The following NIPAL2 variants were observed in gnomAD, a reference collection of about 807,000 sequenced individuals.
The protein encoded by NIPAL2 is NIPA-like protein 2.
In NIPAL2, 43 loss-of-function variants were observed where a neutral mutation model predicts 48.9. The ratio of observed to expected loss-of-function variants is 0.88; its 90% CI spans 0.69 to 1.13. The LOEUF is 1.13. Ranked by LOEUF, NIPAL2 falls within the 50% of genes most tolerant of loss-of-function variation. The probability of loss-of-function intolerance (pLI) is 0.00; values close to 1 mark genes in which losing one functional copy is unlikely to be tolerated. For missense variants in NIPAL2, 446 were observed against 461.4 expected (o/e 0.97, Z 0.31); for synonymous variants, 167 against 174.6 (o/e 0.96, Z 0.34).
chr8:98,199,712 A>G (rs2130693604), intron 8 of NIPAL2, among the ~76,000 whole-genome samples: 1 of 152,326 alleles, frequency 6.6e-6, no homozygotes, highest in Middle Eastern at 3.4e-3. Flanking sequence ...AACGTGACAC[A>G]GAGATATGAA....
intron 1 of NIPAL2, among the ~76,000 whole-genome samples, chr8:98,266,992 A>T (rs962142461): frequency 3.2e-4 from 48 of 151,978 alleles, no homozygotes; most frequent in Admixed American, 1.3e-4. Context: ...AAAACTGCCA[A>T]CCTGTTGTTT....
chr8:98,222,134 C>T (rs746314264), intron 5 of NIPAL2, among the ~76,000 whole-genome samples: 5 of 152,038 alleles, frequency 3.3e-5, no homozygotes, highest in Non-Finnish European at 7.4e-5. Context: ...TGAAGAGAAC[C>T]CCTATTTTGA....
chr8:98,218,718 T>G (rs557470800), intron 5 of NIPAL2, among the ~76,000 whole-genome samples: 1 of 152,006 alleles, frequency 6.6e-6, no homozygotes, highest in African/African-American at 2.4e-5. Context: ...GACAGGCAGG[T>G]AAATAGATAA....
chr8:98,239,842 G>GTA (rs1213399788), intron 3 of NIPAL2, among the ~76,000 whole-genome samples: 2 of 152,160 alleles, frequency 1.3e-5, no homozygotes, highest in Non-Finnish European at 1.5e-5. Context: ...CAAAAAGGCA[G>GTA]TATTGAGCAA....
chr8:98,216,526 G>C (rs558907147), intron 5 of NIPAL2, among the ~76,000 whole-genome samples: 1 of 152,312 alleles, frequency 6.6e-6, no homozygotes, highest in South Asian at 2.1e-4. Context: ...AAAACATACA[G>C]TTTTCTCCCT....
rs763691672 is a variant in NIPAL2 at position 98,196,017 on chromosome 8, G to A, written c.881-12C>T. 1 of 1,504,410 alleles carries A rather than the reference G, an allele frequency of 6.6e-7. No homozygotes were observed. Among genetic ancestry groups the A allele is most frequent in the Non-Finnish European group, 9.1e-7 (1 of 1,101,688 alleles). 93.2% of individuals were successfully genotyped at this position (1,504,410 alleles called of 1,614,324 possible). A position where few individuals can be genotyped will look rare whatever the true frequency, so the allele number is the denominator to read the frequency against. The stretch of plus-strand genomic sequence containing the variant: ...ATAAAATATGATACCTGTAACACAG[G>A]AAAAGAAGACAAAATTGATTTTGAA... On this transcript the variant is annotated splice_polypyrimidine_tract_variant and intron_variant, in intron 8 of 10. Transcript: ENST00000430223.
intron 8 of NIPAL2, 145 bp downstream of exon 8, chr8:98,202,963 G>A: frequency 4.6e-6 from 3 of 655,080 alleles, no homozygotes; most frequent in Admixed American, 2.7e-5. Context: ...AACCTCTCCT[G>A]GAAGATTGTC....
intron 3 of NIPAL2, among the ~76,000 whole-genome samples, chr8:98,250,219 A>G (rs969626360): frequency 5.9e-4 from 90 of 152,356 alleles, no homozygotes; most frequent in African/African-American, 2.1e-3. Flanking sequence ...TTTTATTAAA[A>G]TTCAACGGGA....
chr8:98,256,889 G>A (rs548808449), intron 1 of NIPAL2, among the ~76,000 whole-genome samples: 104 of 152,252 alleles, frequency 6.8e-4, no homozygotes, highest in African/African-American at 2.4e-3. Flanking sequence ...TAGCCAAAAG[G>A]TGGAAAAAAC....
In NIPAL2 at chr8:98,293,883, G is replaced by A. The variant is rs1034354233; in HGVS notation, c.135+120C>T. On this transcript the variant is annotated intron_variant, in intron 1 of 10. Transcript: ENST00000430223. The stretch of plus-strand genomic sequence containing the variant: ...CATTGCATGTCACCTCTTCCCACTC[G>A]GAGAGGCCGGGTGTCTTCCTGAGAG... The A allele has an allele frequency of 5.2e-6, 5 of 961,848 alleles. No individual in the cohort carries two copies. The African/African-American group carries it at 5.2e-5, about 10-fold the overall frequency. The allele number at this position is 961,848 out of a possible 1,614,324, so 59.6% of individuals were successfully genotyped here. A position where few individuals can be genotyped will look rare whatever the true frequency, so the allele number is the denominator to read the frequency against.
chr8:98,202,018 T>C (rs751477084), intron 8 of NIPAL2, among the ~76,000 whole-genome samples: 4 of 152,222 alleles, frequency 2.6e-5, no homozygotes, highest in Non-Finnish European at 5.9e-5. Flanking sequence ...AGCCAATGAA[T>C]GAGGGCATAC....
At chr8:98,242,110 C>T (rs1031087706) in intron 3 of NIPAL2, among the ~76,000 whole-genome samples, 1 of 152,198 alleles carries the variant, frequency 6.6e-6, no homozygotes, top group East Asian at 1.9e-4. Context: ...TAAGTTTTAG[C>T]GATCTATTGC....
At chr8:98,217,256 T>C in intron 5 of NIPAL2, 4 of 985,458 alleles carry the variant, frequency 4.1e-6, no homozygotes, top group Non-Finnish European at 4.8e-6. Flanking sequence ...TTCCATTTAA[T>C]GTAAATCTTG....
chr8:98,279,537 C>T (rs1393462802), intron 1 of NIPAL2, among the ~76,000 whole-genome samples: 2 of 152,162 alleles, frequency 1.3e-5, no homozygotes, highest in Non-Finnish European at 2.9e-5. Flanking sequence ...TGTCCTTTCA[C>T]TGGTCAGGGA....
chr8:98,269,504 G>A (rs1814996889), intron 1 of NIPAL2, among the ~76,000 whole-genome samples: 1 of 152,154 alleles, frequency 6.6e-6, no homozygotes, highest in South Asian at 2.1e-4. Flanking sequence ...ATTTTCAGAG[G>A]AATGTCTTTT....
Position 98,192,941 on chromosome 8 carries a change from T to C in NIPAL2, c.*37A>G. 1 of 1,286,374 alleles carries C rather than the reference T, an allele frequency of 7.8e-7. No individual in the cohort carries two copies. Among genetic ancestry groups the C allele is most frequent in the Non-Finnish European group, 1.1e-6 (1 of 884,090 alleles). 79.7% of individuals were successfully genotyped at this position (1,286,374 alleles called of 1,614,324 possible). A position where few individuals can be genotyped will look rare whatever the true frequency, so the allele number is the denominator to read the frequency against. ...CATGTGCAATTTTTTAAAAAGGTGGTATCGAATAACAGGCCAACAGCCATC... is the reference window on the plus strand; with the variant it reads ...CATGTGCAATTTTTTAAAAAGGTGGCATCGAATAACAGGCCAACAGCCATC... On this transcript the variant is annotated 3_prime_UTR_variant, in exon 11 of 11. Coordinates refer to ENST00000430223, the MANE Select transcript of NIPAL2 (RefSeq NM_001321635.2).
At chr8:98,224,615 C>T (rs1029468941) in intron 4 of NIPAL2, among the ~76,000 whole-genome samples, 2 of 151,848 alleles carry the variant, frequency 1.3e-5, no homozygotes, top group East Asian at 1.9e-4. Context: ...ATCTTCGTTG[C>T]GTTTCTTTCT....
At position 98,280,757 on chromosome 8, in the gene NIPAL2, T is replaced by TAGAGAGAGAG. The variant is rs1225269994; in HGVS notation, c.135+13245_135+13246insCTCTCTCTCT. On this transcript the variant is annotated intron_variant, in intron 1 of 10. Coordinates refer to ENST00000430223, the MANE Select transcript of NIPAL2 (RefSeq NM_001321635.2). ...ATTACTATATATATATATATATATA[T>TAGAGAGAGAG]ATATAGAGAGAGAGAGAGAGAGAGA... is the stretch of plus-strand genomic sequence containing the variant. Among the ~76,000 whole-genome samples the TAGAGAGAGAG allele has an allele frequency of 7.8e-3, 227 of 29,238 alleles. 1 individual carries two copies. The highest frequency in any genetic ancestry group is 0.014 in the Non-Finnish European group (176 of 12,372). 19.2% of individuals were successfully genotyped at this position (29,238 alleles called of 152,430 possible).
Position 98,195,699 on chromosome 8 carries a change from T to C in NIPAL2, c.944+243A>G, listed in dbSNP as rs535316651. On this transcript the variant is annotated intron_variant, in intron 9 of 10. Transcript: ENST00000430223. ...TACAAGGGCCAGTGGATGTATCTTGTCTTTGGCCTGGAATTGGAAATCCCC... is the reference window on the plus strand; with the variant it reads ...TACAAGGGCCAGTGGATGTATCTTGCCTTTGGCCTGGAATTGGAAATCCCC... 1,041 of 372,542 alleles carry C rather than the reference T, an allele frequency of 2.8e-3. 6 individuals are homozygous for C. The highest frequency in any genetic ancestry group is 8.5e-3 in the Middle Eastern group (10 of 1,178). 23.1% of individuals were successfully genotyped at this position (372,542 alleles called of 1,614,324 possible). A position where few individuals can be genotyped will look rare whatever the true frequency, so the allele number is the denominator to read the frequency against.
Sources: allele counts gnomAD v4.1 joint callset (sites outside exome capture counted in the v4.1 genomes callset), GRCh38; gene constraint gnomAD v4.1.1; transcripts MANE v1.5; gene names NCBI Gene and HGNC (gene_info 2026-07-23, HGNC 2026-07-21).